The following NTRK3 variants were observed in gnomAD, a reference collection of about 807,000 sequenced individuals.
NTRK3 encodes neurotrophic receptor tyrosine kinase 3.
Under a neutral mutation model 91.7 loss-of-function variants are expected in NTRK3, and 24 were observed. That is an observed-to-expected ratio of 0.26 (90% CI 0.19 to 0.37). The LOEUF is 0.37. NTRK3 is among the 10% of genes least tolerant of loss of function. NTRK3 has a pLI of 1.00. For missense variants in NTRK3, 880 were observed against 1,068.9 expected, an observed-to-expected ratio of 0.82 and a Z score of 2.46; for synonymous variants, 483 against 404.0, an observed-to-expected ratio of 1.20 and a Z score of -2.34.
Position 87,940,761 on chromosome 15 carries a change from A to G in NTRK3, c.1586-8T>C. The G allele has an allele frequency of 6.2e-7, 1 of 1,614,090 alleles. No individual in the cohort carries two copies. The highest frequency in any genetic ancestry group is 8.5e-7 in the Non-Finnish European group (1 of 1,180,000). On this transcript the variant is annotated splice_region_variant and splice_polypyrimidine_tract_variant and intron_variant, in intron 14 of 18. Transcript: ENST00000394480. The stretch of plus-strand genomic sequence containing the variant: ...TCTTAATGTGCTGCACATCTGTAGG[A>G]TGGGGACAAAGAGGAGGGCAGCAAA...
intron 14 of NTRK3, chr15:87,946,062 T>C (rs1202580593): frequency 1.3e-5 from 2 of 152,226 alleles, no homozygotes; most frequent in Non-Finnish European, 2.9e-5. Flanking sequence ...AGGAGCTCAA[T>C]ACCTATCTTG....
intron 3 of NTRK3, among the ~76,000 whole-genome samples, chr15:88,232,263 C>G (rs891089017): frequency 6.6e-6 from 1 of 150,770 alleles, no homozygotes; most frequent in Non-Finnish European, 1.5e-5. Flanking sequence ...CTAAAACCCA[C>G]CCCACCCCAC....
At chr15:87,947,487 C>G (rs986820488) in intron 14 of NTRK3, among the ~76,000 whole-genome samples, 1 of 152,018 alleles carries the variant, frequency 6.6e-6, no homozygotes, top group African/African-American at 2.4e-5. Flanking sequence ...TTCTTCCTAC[C>G]CTTGATTGCC....
At chr15:87,997,595 T>C (rs550926266) in intron 14 of NTRK3, among the ~76,000 whole-genome samples, 11 of 152,206 alleles carry the variant, frequency 7.2e-5, no homozygotes, top group Non-Finnish European at 1.2e-4. Context: ...TGGCAGATCA[T>C]ATACTCTTAT....
At chr15:87,944,540 A>G (rs2070232508) in intron 14 of NTRK3, among the ~76,000 whole-genome samples, 1 of 152,182 alleles carries the variant, frequency 6.6e-6, no homozygotes, top group Non-Finnish European at 1.5e-5. Context: ...AATGAGGCCA[A>G]AGAAGGACTC....
chr15:88,107,993 G>A (rs1052784135), intron 13 of NTRK3, among the ~76,000 whole-genome samples: 1 of 152,134 alleles, frequency 6.6e-6, no homozygotes, highest in African/African-American at 2.4e-5. Context: ...GCAGGTAGGG[G>A]CAGACCCAGA....
chr15:88,009,281 A>T (rs779387908), intron 14 of NTRK3, among the ~76,000 whole-genome samples: 3 of 151,984 alleles, frequency 2.0e-5, no homozygotes, highest in African/African-American at 4.8e-5. Flanking sequence ...TTTATTCCTT[A>T]TTTTTTTAAA....
intron 17 of NTRK3, among the ~76,000 whole-genome samples, chr15:87,900,728 T>C (rs2066400796): frequency 1.3e-5 from 2 of 151,274 alleles, no homozygotes; most frequent in African/African-American, 4.9e-5. Flanking sequence ...TGTGTGTGTG[T>C]GTGCTGTAGG....
At chr15:87,947,189 C>G (rs1238140616) in intron 14 of NTRK3, among the ~76,000 whole-genome samples, 1 of 152,012 alleles carries the variant, frequency 6.6e-6, no homozygotes, top group African/African-American at 2.4e-5. Flanking sequence ...CTACAAGTCT[C>G]TTAAACACAA....
At chr15:88,134,370 C>A (rs901728609) in intron 10 of NTRK3, among the ~76,000 whole-genome samples, 3 of 152,190 alleles carry the variant, frequency 2.0e-5, no homozygotes, top group African/African-American at 7.2e-5. Flanking sequence ...ACAGAATCAA[C>A]TCCCAAAATC....
intron 13 of NTRK3, among the ~76,000 whole-genome samples, chr15:88,125,347 G>A (rs530113015): frequency 4.6e-5 from 7 of 152,242 alleles, no homozygotes; most frequent in African/African-American, 1.7e-4. Context: ...CCCAACCACA[G>A]ACACAAGCTC....
intron 3 of NTRK3, among the ~76,000 whole-genome samples, chr15:88,251,415 GT>G (rs1294368141): frequency 2.0e-5 from 3 of 152,266 alleles, no homozygotes; most frequent in Non-Finnish European, 4.4e-5. Flanking sequence ...AAAGTCTAGA[GT>G]GCCCTGATGG....
chr15:88,083,285 A>G (rs962844192), intron 13 of NTRK3, among the ~76,000 whole-genome samples: 6 of 152,034 alleles, frequency 3.9e-5, no homozygotes, highest in African/African-American at 1.4e-4. Flanking sequence ...CAACGGCCCA[A>G]TCTCGGCTCA....
intron 3 of NTRK3, among the ~76,000 whole-genome samples, chr15:88,186,464 G>T (rs138209830): frequency 1.3e-5 from 2 of 152,204 alleles, no homozygotes; most frequent in African/African-American, 4.8e-5. Context: ...TAGAATAATA[G>T]TCCCCACCTC....
chr15:87,909,045 C>T (rs945743019), intron 17 of NTRK3, among the ~76,000 whole-genome samples: 2 of 152,230 alleles, frequency 1.3e-5, no homozygotes, highest in Middle Eastern at 3.4e-3. Context: ...AATTATTGCT[C>T]TTAGTGTGTC....
chr15:88,202,463 A>G (rs1265441058), intron 3 of NTRK3, among the ~76,000 whole-genome samples: 1 of 152,238 alleles, frequency 6.6e-6, no homozygotes, highest in Non-Finnish European at 1.5e-5. Context: ...AACCTCAAAG[A>G]ACCCAAAAAG....
intron 10 of NTRK3, among the ~76,000 whole-genome samples, chr15:88,134,555 G>C (rs540669007): frequency 3.3e-5 from 5 of 152,202 alleles, no homozygotes; most frequent in Admixed American, 3.3e-4. Flanking sequence ...TCACAGATCA[G>C]CAAGTAGAAT....
In NTRK3 at chr15:88,233,038, G is replaced by A. The variant is rs1038635330; in HGVS notation, c.248+22868C>T. 3.9e-5 allele frequency among the ~76,000 whole-genome samples: 6 copies of A among 152,058 alleles called. No homozygotes were observed. Among genetic ancestry groups the A allele is most frequent in the East Asian group, 1.9e-4 (1 of 5,176 alleles). On this transcript the variant is annotated intron_variant, in intron 3 of 18. Transcript: ENST00000394480. This position sits in a 1 kb window ranked among gnomAD's most constrained non-coding sequence, Gnocchi z 4.2. ...AGTTTGACTAAAGCTCAGTGTCTTC[G>A]CTTTTATAAATCTCTGCCTCTTAAT...
At position 88,240,789 on chromosome 15, in the gene NTRK3, A is replaced by C. The variant is rs550665712; in HGVS notation, c.248+15117T>G. Among the ~76,000 whole-genome samples the C allele has an allele frequency of 1.3e-5, 2 of 152,260 alleles. No homozygotes were observed. Among genetic ancestry groups the C allele is most frequent in the African/African-American group, 4.8e-5 (2 of 41,480 alleles). On this transcript the variant is annotated intron_variant, in intron 3 of 18. Coordinates refer to ENST00000394480, the Ensembl canonical transcript of NTRK3. This position sits in a 1 kb window ranked among gnomAD's most constrained non-coding sequence, Gnocchi z 4.9. ...CCTTAAAGGAGCCCCCAGAGCAGTCATCACACAGCATTTGCTGTCACTGTG... is the reference window on the plus strand; with the variant it reads ...CCTTAAAGGAGCCCCCAGAGCAGTCCTCACACAGCATTTGCTGTCACTGTG...
Sources: allele counts gnomAD v4.1 joint callset (sites outside exome capture counted in the v4.1 genomes callset), GRCh38; gene constraint gnomAD v4.1.1; non-coding constraint Gnocchi (gnomAD v3.1); transcripts MANE v1.5; gene names NCBI Gene and HGNC (gene_info 2026-07-23, HGNC 2026-07-21).